The following SLC24A2 variants were observed in gnomAD, a reference collection of about 807,000 sequenced individuals.
SLC24A2 encodes the protein solute carrier family 24 member 2.
Under a neutral mutation model 62.0 loss-of-function variants are expected in SLC24A2, and 36 were observed. The observed-to-expected ratio is 0.58, with a 90% CI of 0.44 to 0.77. The LOEUF (loss-of-function observed/expected upper bound fraction) is 0.77. Ranked by LOEUF, SLC24A2 falls within the 30% of genes least tolerant of loss-of-function variation. The pLI, the probability that SLC24A2 is intolerant of heterozygous loss-of-function variation, is 0.00. For missense variants in SLC24A2, 846 were observed against 817.9 expected, an observed-to-expected ratio of 1.03 and a Z score of -0.42; for synonymous variants, 358 against 294.0, an observed-to-expected ratio of 1.22 and a Z score of -2.23.
the SLC24A2 span, among the ~76,000 whole-genome samples, chr9:19,976,282 T>C: frequency 6.6e-6 from 1 of 152,216 alleles, no homozygotes; most frequent in African/African-American, 2.4e-5. Context: ...CCAAATCTCA[T>C]CTTGAATTGT....
chr9:20,074,614 TGAGGGAGG>T, the SLC24A2 span, among the ~76,000 whole-genome samples: 1 of 43,938 alleles, frequency 2.3e-5, no homozygotes, highest in South Asian at 6.7e-4. Flanking sequence ...AAGAAGGGAG[TGAGGGAGG>T]GAGGGAGGGA....
At chr9:19,862,946 C>A in the SLC24A2 span, among the ~76,000 whole-genome samples, 1 of 151,694 alleles carries the variant, frequency 6.6e-6, no homozygotes, top group Non-Finnish European at 1.5e-5. Flanking sequence ...AAGAGAAGGC[C>A]ACAAATCAAC....
the SLC24A2 span, among the ~76,000 whole-genome samples, chr9:20,306,691 T>C: frequency 3.3e-5 from 5 of 152,194 alleles, no homozygotes; most frequent in African/African-American, 9.6e-5. Flanking sequence ...AATGTTATTT[T>C]CTTTTTTTGT....
chr9:20,063,899 C>T, the SLC24A2 span, among the ~76,000 whole-genome samples: 32 of 152,228 alleles, frequency 2.1e-4, 1 homozygote, highest in South Asian at 6.4e-3. Flanking sequence ...AATGGTACAT[C>T]CACTACCCAA....
intron 2 of SLC24A2, among the ~76,000 whole-genome samples, chr9:19,703,257 A>G (rs1384558569): frequency 2.6e-5 from 4 of 152,216 alleles, no homozygotes; most frequent in African/African-American, 7.2e-5. Context: ...ACAGATGATA[A>G]AGCTAGGGCT....
chr9:19,646,564 G>A (rs2065322493), intron 2 of SLC24A2, among the ~76,000 whole-genome samples: 1 of 152,106 alleles, frequency 6.6e-6, no homozygotes, highest in Non-Finnish European at 1.5e-5. Flanking sequence ...CCTCAAATTG[G>A]GTGGGAATAG....
chr9:20,064,950 G>A, the SLC24A2 span, among the ~76,000 whole-genome samples: 1 of 152,182 alleles, frequency 6.6e-6, no homozygotes, highest in Non-Finnish European at 1.5e-5. Context: ...AGGAGAAGAG[G>A]AGGGACAGGC....
intron 2 of SLC24A2, among the ~76,000 whole-genome samples, chr9:19,634,351 C>T (rs1392548949): frequency 3.1e-5 from 4 of 130,434 alleles, no homozygotes; most frequent in East Asian, 2.5e-4. Flanking sequence ...TGCAATGGTG[C>T]GATTTCAGCT....
the SLC24A2 span, among the ~76,000 whole-genome samples, chr9:19,903,985 T>G: frequency 6.6e-6 from 1 of 152,136 alleles, no homozygotes; most frequent in African/African-American, 2.4e-5. Flanking sequence ...AGACCATGGA[T>G]GTTAGCAGTA....
intron 8 of SLC24A2, among the ~76,000 whole-genome samples, chr9:19,537,078 G>A (rs1423917684): frequency 6.6e-6 from 1 of 151,366 alleles, no homozygotes; most frequent in African/African-American, 2.4e-5. Context: ...ATTTGTTTGA[G>A]TTCACTGTAG....
chr9:20,126,076 G>GT, the SLC24A2 span, among the ~76,000 whole-genome samples: 12 of 152,054 alleles, frequency 7.9e-5, no homozygotes, highest in South Asian at 2.1e-4. Flanking sequence ...TTACAAAGGT[G>GT]TTTTTTTTGT....
chr9:20,221,174 C>G, the SLC24A2 span, among the ~76,000 whole-genome samples: 1 of 151,932 alleles, frequency 6.6e-6, no homozygotes, highest in East Asian at 1.9e-4. Flanking sequence ...CGATAAGTGC[C>G]ATGGAGAAGA....
At chr9:19,618,441 T>C (rs1817824054) in intron 4 of SLC24A2, among the ~76,000 whole-genome samples, 1 of 152,052 alleles carries the variant, frequency 6.6e-6, no homozygotes, top group African/African-American at 2.4e-5. Flanking sequence ...GCTATACAAC[T>C]CTCTGTGGTA....
chr9:19,853,741 G>T, the SLC24A2 span, among the ~76,000 whole-genome samples: 1 of 152,156 alleles, frequency 6.6e-6, no homozygotes, highest in African/African-American at 2.4e-5. Flanking sequence ...TTGCACCGAT[G>T]TTCATCAGGG....
At chr9:19,703,124 A>G (rs1256721757) in intron 2 of SLC24A2, among the ~76,000 whole-genome samples, 1 of 152,178 alleles carries the variant, frequency 6.6e-6, no homozygotes, top group Non-Finnish European at 1.5e-5. Context: ...AGATACTCGC[A>G]TATCTTATAT....
the SLC24A2 span, among the ~76,000 whole-genome samples, chr9:20,077,175 G>A: frequency 5.3e-5 from 8 of 151,872 alleles, no homozygotes; most frequent in Non-Finnish European, 8.8e-5. Flanking sequence ...TAGGTCAGAG[G>A]ATACAAAGTA....
the SLC24A2 span, among the ~76,000 whole-genome samples, chr9:20,023,566 C>CA: frequency 6.6e-6 from 1 of 152,162 alleles, no homozygotes; most frequent in Admixed American, 6.6e-5. Context: ...AAAGCCCCCC[C>CA]ACCTATAACC....
chr9:19,751,543 C>T (rs1821984196), intron 2 of SLC24A2, among the ~76,000 whole-genome samples: 1 of 152,166 alleles, frequency 6.6e-6, no homozygotes, highest in Admixed American at 6.5e-5. Flanking sequence ...TTGAGAACCA[C>T]TGATCTCAAG....
At chr9:19,782,001 C>G (rs907923038) in intron 2 of SLC24A2, among the ~76,000 whole-genome samples, 1 of 152,180 alleles carries the variant, frequency 6.6e-6, no homozygotes, top group Non-Finnish European at 1.5e-5. Context: ...CAGAAACACA[C>G]AAACTGAATA....
Sources: gnomAD v4.1 joint callset for allele counts (sites outside exome capture counted in the v4.1 genomes callset) on GRCh38, gnomAD v4.1.1 for gene constraint, MANE v1.5 for transcripts, NCBI Gene and HGNC (gene_info 2026-07-23, HGNC 2026-07-21) for gene names.